GRID2: variants seen among roughly 807,000 people sequenced by gnomAD.
GRID2 encodes the protein glutamate receptor ionotropic, delta-2.
Under a neutral mutation model 114.8 loss-of-function variants are expected in GRID2, and 33 were observed. The ratio of observed to expected loss-of-function variants is 0.29; its 90% confidence interval spans 0.22 to 0.38. The LOEUF (loss-of-function observed/expected upper bound fraction) is 0.38, where lower values mean the gene tolerates loss of function less well. Among genes scored for constraint, GRID2 ranks in the 10% least tolerant of loss-of-function variants. The probability of loss-of-function intolerance (pLI) is 1.00; values close to 1 mark genes in which losing one functional copy is unlikely to be tolerated. For synonymous variants in GRID2, 505 were observed against 449.9 expected, an observed-to-expected ratio of 1.12 and a Z score of -1.55; for missense variants, 1,184 against 1,257.7, an observed-to-expected ratio of 0.94 and a Z score of 0.89.
intron 13 of GRID2, among the ~76,000 whole-genome samples, chr4:93,590,569 T>C (rs895867909): frequency 3.3e-5 from 5 of 152,020 alleles, no homozygotes; most frequent in African/African-American, 9.7e-5. Context: ...AACTTTAAAG[T>C]AGTTTTTTCC....
chr4:92,924,906 A>G (rs1185697588), intron 2 of GRID2, among the ~76,000 whole-genome samples: 1 of 152,126 alleles, frequency 6.6e-6, no homozygotes, highest in Non-Finnish European at 1.5e-5. Context: ...GTGAGATAAT[A>G]TTACAAACTC....
intron 1 of GRID2, among the ~76,000 whole-genome samples, chr4:92,390,204 G>A (rs1212850063): frequency 1.3e-5 from 2 of 152,050 alleles, no homozygotes; most frequent in African/African-American, 2.4e-5. Flanking sequence ...ATGCACACCT[G>A]GGGCTAGTTA....
At chr4:93,286,064 A>G (rs1753122461) in intron 8 of GRID2, among the ~76,000 whole-genome samples, 1 of 152,104 alleles carries the variant, frequency 6.6e-6, no homozygotes, top group Non-Finnish European at 1.5e-5. Context: ...TACATGTCAG[A>G]AAAAAACTTT....
intron 2 of GRID2, among the ~76,000 whole-genome samples, chr4:92,604,668 A>T (rs968040029): frequency 2.0e-5 from 3 of 152,152 alleles, no homozygotes; most frequent in African/African-American, 4.8e-5. Context: ...TGTCCTGCAC[A>T]TCTATCTCAG....
At chr4:93,521,712 A>G (rs951223234) in intron 13 of GRID2, among the ~76,000 whole-genome samples, 1 of 151,962 alleles carries the variant, frequency 6.6e-6, no homozygotes, top group Admixed American at 6.6e-5. Flanking sequence ...CAGGTACTGG[A>G]AAAAAAATGC....
chr4:92,554,778 A>G (rs1726769678), intron 1 of GRID2, among the ~76,000 whole-genome samples: 1 of 152,182 alleles, frequency 6.6e-6, no homozygotes, highest in Admixed American at 6.5e-5. Context: ...CTCTGAATAG[A>G]ATCCCAATCA....
intron 12 of GRID2, among the ~76,000 whole-genome samples, chr4:93,513,713 A>T (rs939637112): frequency 6.6e-6 from 1 of 152,342 alleles, no homozygotes; most frequent in Middle Eastern, 3.4e-3. Flanking sequence ...AGTAAATAAT[A>T]TACATCAAAA....
intron 1 of GRID2, among the ~76,000 whole-genome samples, chr4:92,482,447 A>G (rs1445634057): frequency 6.6e-6 from 1 of 152,092 alleles, no homozygotes; most frequent in Non-Finnish European, 1.5e-5. Context: ...CTAACTTAAA[A>G]GTTAAATTAA....
intron 2 of GRID2, among the ~76,000 whole-genome samples, chr4:92,867,400 C>T (rs1481422637): frequency 1.3e-5 from 2 of 152,036 alleles, no homozygotes; most frequent in Non-Finnish European, 2.9e-5. Context: ...GAGCAGTGTG[C>T]TCTGCTGCCA....
chr4:93,504,329 C>T (rs1289003446), intron 12 of GRID2, among the ~76,000 whole-genome samples: 1 of 151,986 alleles, frequency 6.6e-6, no homozygotes, highest in Non-Finnish European at 1.5e-5. Flanking sequence ...ATTTCAATGT[C>T]AGCCTTGGAG....
chr4:93,781,555 G>T (rs2110351052), intron 1 of GRID2, among the ~76,000 whole-genome samples: 1 of 152,230 alleles, frequency 6.6e-6, no homozygotes, highest in Admixed American at 6.5e-5. Flanking sequence ...GTCGGGGGTT[G>T]GTTCCAGGAC....
chr4:92,400,994 C>T (rs1730761968), intron 1 of GRID2, among the ~76,000 whole-genome samples: 1 of 152,136 alleles, frequency 6.6e-6, no homozygotes, highest in Non-Finnish European at 1.5e-5. Flanking sequence ...ATATAAGTTG[C>T]TAATCAAATA....
rs76335072 is a variant in GRID2 at position 92,385,486 on chromosome 4, ATT to A, written c.88+80751_88+80752del. On this transcript the variant is annotated intron_variant, in intron 1 of 15. Coordinates refer to ENST00000282020, the MANE Select transcript of GRID2 (RefSeq NM_001510.4). ...TAGTCTAAGGTAAGGAAATCAAACC[ATT>A]TTTTTTTTCCTACAACCATGTTAAC... is the stretch of plus-strand genomic sequence containing the variant. 9.4e-5 allele frequency among the ~76,000 whole-genome samples: 14 copies of A among 149,464 alleles called. 1 individual carries two copies. The South Asian group carries it at 1.5e-3, about 16-fold the overall frequency.
chr4:92,478,420 T>C (rs906612514), intron 1 of GRID2, among the ~76,000 whole-genome samples: 3 of 152,120 alleles, frequency 2.0e-5, no homozygotes, highest in African/African-American at 7.2e-5. Flanking sequence ...GCTTAATAAA[T>C]TAGTTATGCA....
chr4:92,760,719 C>T (rs1737968058), intron 2 of GRID2, among the ~76,000 whole-genome samples: 1 of 152,136 alleles, frequency 6.6e-6, no homozygotes, highest in Non-Finnish European at 1.5e-5. Flanking sequence ...CAATCCATGG[C>T]ATTCAGGAAA....
intron 10 of GRID2, among the ~76,000 whole-genome samples, chr4:93,439,008 G>T (rs1721373456): frequency 6.6e-6 from 1 of 152,078 alleles, no homozygotes; most frequent in African/African-American, 2.4e-5. Flanking sequence ...CAAAGGACAT[G>T]AATTCATCAT....
At chr4:92,401,209 A>G (rs1176200932) in intron 1 of GRID2, among the ~76,000 whole-genome samples, 1 of 152,124 alleles carries the variant, frequency 6.6e-6, no homozygotes, top group East Asian at 1.9e-4. Context: ...TTAGAAGTTC[A>G]TTTACATTTT....
chr4:92,841,304 A>G (rs1742874650), intron 2 of GRID2, among the ~76,000 whole-genome samples: 1 of 151,946 alleles, frequency 6.6e-6, no homozygotes, highest in South Asian at 2.1e-4. Flanking sequence ...CCAAATATAT[A>G]TTTTTTCAAC....
At chr4:93,422,427 G>A (rs535444695) in intron 9 of GRID2, among the ~76,000 whole-genome samples, 1 of 152,108 alleles carries the variant, frequency 6.6e-6, no homozygotes, top group African/African-American at 2.4e-5. Context: ...AAATTCCTGA[G>A]AATAGATACG....
Sources: gnomAD v4.1 joint callset for allele counts (sites outside exome capture counted in the v4.1 genomes callset) on GRCh38, gnomAD v4.1.1 for gene constraint, MANE v1.5 for transcripts, NCBI Gene and HGNC (gene_info 2026-07-23, HGNC 2026-07-21) for gene names.